Variants in GRIK2 observed in about 807,000 individuals in gnomAD.
GRIK2 encodes the protein glutamate receptor ionotropic, kainate 2.
In GRIK2, 32 loss-of-function variants were observed where a neutral mutation model predicts 100.3. The observed-to-expected ratio is 0.32, with a 90% CI of 0.24 to 0.43. The LOEUF (loss-of-function observed/expected upper bound fraction) is 0.43. Among genes scored for constraint, GRIK2 ranks in the 20% least tolerant of loss-of-function variants. The pLI is 1.00. For synonymous variants in GRIK2, 417 were observed against 389.4 expected (o/e 1.07, Z -0.83); for missense variants, 843 against 1,114.9 (o/e 0.76, Z 3.47).
chr6:101,524,717 CGT>C (rs1491249600), intron 2 of GRIK2, among the ~76,000 whole-genome samples: 135 of 86,978 alleles, frequency 1.6e-3, no homozygotes, highest in African/African-American at 9.2e-3. Flanking sequence ...CTTGCATGTT[CGT>C]TTTTTTTTTT....
chr6:101,837,792 G>C (rs1239573470), intron 10 of GRIK2, among the ~76,000 whole-genome samples: 1 of 152,080 alleles, frequency 6.6e-6, no homozygotes, highest in Non-Finnish European at 1.5e-5. Flanking sequence ...CTCTGAACAC[G>C]GACTTTTGTT....
intron 2 of GRIK2, among the ~76,000 whole-genome samples, chr6:101,552,563 T>G (rs1297915311): frequency 6.6e-6 from 1 of 152,146 alleles, no homozygotes; most frequent in Non-Finnish European, 1.5e-5. Flanking sequence ...ATCCTCCCCA[T>G]TCAATATTTG....
intron 7 of GRIK2, among the ~76,000 whole-genome samples, chr6:101,764,401 T>C (rs1012204412): frequency 6.6e-6 from 1 of 152,090 alleles, no homozygotes; most frequent in Non-Finnish European, 1.5e-5. Context: ...ATAGAGATTA[T>C]GTTTTAGAAG....
intron 12 of GRIK2, among the ~76,000 whole-genome samples, chr6:101,901,971 C>T (rs1562475842): frequency 6.6e-6 from 1 of 151,872 alleles, no homozygotes; most frequent in Non-Finnish European, 1.5e-5. Context: ...CTTTCTGGTA[C>T]TAACACTACC....
intron 2 of GRIK2, among the ~76,000 whole-genome samples, chr6:101,608,457 G>C (rs1441559678): frequency 2.0e-5 from 3 of 151,706 alleles, no homozygotes; most frequent in African/African-American, 7.3e-5. Context: ...AGTAAAATTT[G>C]TCTAATTCTT....
chr6:101,629,676 T>C (rs578163032), intron 4 of GRIK2, among the ~76,000 whole-genome samples: 37 of 152,234 alleles, frequency 2.4e-4, no homozygotes, highest in African/African-American at 8.9e-4. Flanking sequence ...AGTAGACTTT[T>C]TGTCTTTTTG....
At chr6:101,486,770 G>T (rs2128264440) in intron 2 of GRIK2, among the ~76,000 whole-genome samples, 1 of 118,942 alleles carries the variant, frequency 8.4e-6, no homozygotes, top group East Asian at 2.1e-4. Flanking sequence ...ACTTGCACGT[G>T]TAAGATTCTC....
chr6:101,967,012 G>C (rs1792721753), intron 14 of GRIK2, among the ~76,000 whole-genome samples: 1 of 151,806 alleles, frequency 6.6e-6, no homozygotes, highest in Non-Finnish European at 1.5e-5. Flanking sequence ...TAAAGATCTT[G>C]AAAATTTTGT....
chr6:101,938,653 C>G (rs1790760457), intron 14 of GRIK2, among the ~76,000 whole-genome samples: 1 of 151,906 alleles, frequency 6.6e-6, no homozygotes, highest in Non-Finnish European at 1.5e-5. Context: ...CAGAGAAGTA[C>G]TTTAATAATT....
At chr6:101,511,464 GTTTA>G (rs1774312892) in intron 2 of GRIK2, among the ~76,000 whole-genome samples, 1 of 151,830 alleles carries the variant, frequency 6.6e-6, no homozygotes, top group South Asian at 2.1e-4. Flanking sequence ...GAGAGGTGAA[GTTTA>G]TTTAATCTTT....
intron 2 of GRIK2, among the ~76,000 whole-genome samples, chr6:101,528,880 A>G (rs866574264): frequency 6.6e-6 from 1 of 152,138 alleles, no homozygotes. Context: ...TGGTTAAGAA[A>G]TTTAAGATGA....
chr6:102,001,944 CTCTT>C (rs1176512504), intron 14 of GRIK2, among the ~76,000 whole-genome samples: 2 of 151,554 alleles, frequency 1.3e-5, no homozygotes, highest in Non-Finnish European at 2.9e-5. Flanking sequence ...AGTTTTTCGA[CTCTT>C]TACTTACAAG....
At chr6:101,879,519 C>T (rs2128452568) in intron 11 of GRIK2, among the ~76,000 whole-genome samples, 1 of 152,074 alleles carries the variant, frequency 6.6e-6, no homozygotes, top group East Asian at 1.9e-4. Flanking sequence ...ATCCATTACC[C>T]TGGACTCTAT....
intron 14 of GRIK2, among the ~76,000 whole-genome samples, chr6:101,961,304 G>A (rs1409513317): frequency 6.6e-6 from 1 of 152,122 alleles, no homozygotes; most frequent in Admixed American, 6.5e-5. Flanking sequence ...TCACTCACCT[G>A]TACTCTGCAG....
chr6:101,999,100 G>C (rs2114253820), intron 14 of GRIK2, among the ~76,000 whole-genome samples: 1 of 151,950 alleles, frequency 6.6e-6, no homozygotes, highest in East Asian at 1.9e-4. Context: ...TTAATCTGCT[G>C]CATTTTTCTA....
At chr6:101,797,768 ATATAT>A (rs1780402409) in intron 7 of GRIK2, among the ~76,000 whole-genome samples, 1 of 146,956 alleles carries the variant, frequency 6.8e-6, no homozygotes, top group African/African-American at 2.5e-5. Context: ...TTTATATATT[ATATAT>A]TATATATTAC....
At chr6:101,606,633 A>G (rs1220261321) in intron 2 of GRIK2, among the ~76,000 whole-genome samples, 1 of 152,028 alleles carries the variant, frequency 6.6e-6, no homozygotes, top group Non-Finnish European at 1.5e-5. Context: ...CTTGTTAAGC[A>G]CTTATCATAA....
At chr6:101,855,732 T>C (rs760148850) in intron 10 of GRIK2, among the ~76,000 whole-genome samples, 4 of 152,140 alleles carry the variant, frequency 2.6e-5, no homozygotes, top group Non-Finnish European at 5.9e-5. Context: ...CCAGTTTTAA[T>C]GAAAAGCCAC....
At chr6:101,477,338 C>T (rs570947732) in intron 2 of GRIK2, among the ~76,000 whole-genome samples, 16 of 152,226 alleles carry the variant, frequency 1.1e-4, no homozygotes, top group African/African-American at 3.9e-4. Context: ...ATCATCAGAA[C>T]GGTAAGGGAT....
Sources: gnomAD v4.1 joint callset for allele counts (sites outside exome capture counted in the v4.1 genomes callset) on GRCh38, gnomAD v4.1.1 for gene constraint, MANE v1.5 for transcripts, NCBI Gene and HGNC (gene_info 2026-07-23, HGNC 2026-07-21) for gene names.